TPH2: variants seen among roughly 807,000 people sequenced by gnomAD.
TPH2 encodes the protein tryptophan hydroxylase 2, also known as tryptophan 5-hydroxylase 2.
Under a neutral mutation model 59.1 loss-of-function variants are expected in TPH2, and 27 were observed. That is an observed-to-expected ratio of 0.46 (90% confidence interval 0.34 to 0.63). The LOEUF (loss-of-function observed/expected upper bound fraction) is 0.63, where lower values mean the gene tolerates loss of function less well. Among genes scored for constraint, TPH2 ranks in the 30% least tolerant of loss-of-function variants. The pLI is 0.01. For synonymous variants in TPH2, 220 were observed against 210.5 expected, an observed-to-expected ratio of 1.05 and a Z score of -0.39; for missense variants, 523 against 588.3, an observed-to-expected ratio of 0.89 and a Z score of 1.15.
chr12:71,998,886 A>G (rs1376198418), intron 8 of TPH2, among the ~76,000 whole-genome samples: 2 of 152,222 alleles, frequency 1.3e-5, no homozygotes, highest in African/African-American at 4.8e-5. Flanking sequence ...ACAATGAGAC[A>G]GGCCATATTA....
In TPH2 at chr12:71,942,810, T is replaced by A. The variant is rs146239504; in HGVS notation, c.255+1077T>A. On this transcript the variant is annotated intron_variant, in intron 2 of 10. Transcript: ENST00000333850. ...ACCTCGAAGAAAGGATCAGGCACCA[T>A]AAACAGTGGTAATGGAAATCTGAGG... is the stretch of plus-strand genomic sequence containing the variant. Among the ~76,000 whole-genome samples, 819 of 152,306 alleles carry A rather than the reference T, an allele frequency of 5.4e-3. 10 individuals are homozygous for A. The highest frequency in any genetic ancestry group is 0.018 in the East Asian group (95 of 5,188).
chr12:71,966,437 A>G (rs1871820475), intron 5 of TPH2, among the ~76,000 whole-genome samples: 1 of 152,226 alleles, frequency 6.6e-6, no homozygotes, highest in Non-Finnish European at 1.5e-5. Flanking sequence ...GATGCATTTA[A>G]GCTCTTCTTT....
chr12:71,966,826 C>T (rs906294508), intron 5 of TPH2, among the ~76,000 whole-genome samples: 5 of 152,150 alleles, frequency 3.3e-5, no homozygotes, highest in East Asian at 3.9e-4. Flanking sequence ...TGAATTGCTT[C>T]CCCACACTGA....
intron 4 of TPH2, among the ~76,000 whole-genome samples, chr12:71,946,957 A>T (rs1208639524): frequency 6.6e-6 from 1 of 152,144 alleles, no homozygotes; most frequent in Non-Finnish European, 1.5e-5. Context: ...TTGGGACCAC[A>T]CTTTGAGGAG....
At chr12:72,029,694 G>A (rs11833554) in intron 9 of TPH2, among the ~76,000 whole-genome samples, 3,444 of 152,180 alleles carry the variant, frequency 0.023, 147 homozygotes, top group African/African-American at 0.079. Context: ...ATGAGTTCAC[G>A]CTGAGAGGCC....
chr12:71,939,006 T>C lies in TPH2; in HGVS notation c.20T>C (p.Met7Thr). The change falls in exon 1 of 11, where the codon ATG becomes ACG. Residue 7 changes from methionine to threonine, a missense_variant. Met to Thr is a moderately conservative substitution (Grantham distance 81). Coordinates refer to ENST00000333850, the MANE Select transcript of TPH2 (RefSeq NM_173353.4). MQPAMM[M>T]FSSKYWARRG... The stretch of plus-strand genomic sequence containing the variant: ...GGATCCATGCAGCCAGCAATGATGA[T>C]GTTTTCCAGTAAATACTGGGCACGG... 1 of 1,614,132 alleles carries C rather than the reference T, an allele frequency of 6.2e-7. No individual in the cohort carries two copies. Among genetic ancestry groups the C allele is most frequent in the Non-Finnish European group, 8.5e-7 (1 of 1,180,004 alleles).
At position 71,994,894 on chromosome 12, in the gene TPH2, G is replaced by A. The variant is rs1157135036; in HGVS notation, c.1068+329G>A. On this transcript the variant is annotated intron_variant, in intron 8 of 10. Coordinates refer to ENST00000333850, the MANE Select transcript of TPH2 (RefSeq NM_173353.4). Reference sequence around the variant, plus strand: ...GAAAGCAGCCACAGACAACAAATAAGTAAATAAATGAGTGTGACTGTGTCC... The same window carrying A: ...GAAAGCAGCCACAGACAACAAATAAATAAATAAATGAGTGTGACTGTGTCC... 3.9e-5 allele frequency among the ~76,000 whole-genome samples: 6 copies of A among 152,164 alleles called. No individual in the cohort carries two copies. The East Asian group carries it at 9.6e-4, about 24-fold the overall frequency.
At chr12:71,956,735 G>T (rs188187641) in intron 5 of TPH2, among the ~76,000 whole-genome samples, 1 of 151,794 alleles carries the variant, frequency 6.6e-6, no homozygotes, top group African/African-American at 2.4e-5. Context: ...TCAGCCTCCC[G>T]AGTAGCTGGG....
At chr12:72,015,019 T>C (rs1873203594) in intron 8 of TPH2, among the ~76,000 whole-genome samples, 1 of 152,148 alleles carries the variant, frequency 6.6e-6, no homozygotes, top group Admixed American at 6.5e-5. Context: ...TTCAGTACTA[T>C]TGTCATTTGC....
chr12:71,973,021 A>G (rs1036186256), intron 6 of TPH2, among the ~76,000 whole-genome samples: 1 of 152,206 alleles, frequency 6.6e-6, no homozygotes, highest in South Asian at 2.1e-4. Flanking sequence ...GCTGGGCTAC[A>G]TGAGTATGAA....
intron 7 of TPH2, among the ~76,000 whole-genome samples, chr12:71,990,834 A>T (rs905925115): frequency 2.0e-5 from 3 of 152,228 alleles, no homozygotes; most frequent in African/African-American, 7.2e-5. Context: ...GGAGCTGAGA[A>T]GTGGGCACAA....
At chr12:72,000,502 C>T (rs11834097) in intron 8 of TPH2, among the ~76,000 whole-genome samples, 44,852 of 152,044 alleles carry the variant, frequency 0.29, 6,856 homozygotes, top group East Asian at 0.49. Context: ...ACTTGGCATT[C>T]CTGACAGATC....
chr12:72,017,807 A>G (rs1873300060), intron 8 of TPH2, among the ~76,000 whole-genome samples: 1 of 152,172 alleles, frequency 6.6e-6, no homozygotes, highest in Non-Finnish European at 1.5e-5. Context: ...GTTATCCTCA[A>G]CTTCTGAAGG....
At chr12:72,025,222 A>G (rs1873534748) in intron 9 of TPH2, among the ~76,000 whole-genome samples, 1 of 152,144 alleles carries the variant, frequency 6.6e-6, no homozygotes, top group Non-Finnish European at 1.5e-5. Flanking sequence ...TTTGCAGTAA[A>G]ATATTTTATG....
Position 72,004,133 on chromosome 12 carries a change from T to A in TPH2, c.1068+9568T>A, listed in dbSNP as rs1826078593. ...GCTATTCGGGATGTTTGATGTACAGTATGTGGTGTGGTGCAATGTGGTGAA... is the reference window on the plus strand; with the variant it reads ...GCTATTCGGGATGTTTGATGTACAGAATGTGGTGTGGTGCAATGTGGTGAA... On this transcript the variant is annotated intron_variant, in intron 8 of 10. Transcript: ENST00000333850. 2.0e-5 allele frequency among the ~76,000 whole-genome samples: 3 copies of A among 150,700 alleles called. 1 individual carries two copies. In the South Asian group the frequency reaches 6.7e-4, roughly 34 times the overall value.
At chr12:72,024,574 C>G (rs1044960493) in intron 9 of TPH2, among the ~76,000 whole-genome samples, 1 of 152,206 alleles carries the variant, frequency 6.6e-6, no homozygotes, top group Non-Finnish European at 1.5e-5. Flanking sequence ...CTTGATTTCC[C>G]TGAACAAAAG....
intron 5 of TPH2, among the ~76,000 whole-genome samples, chr12:71,954,922 C>T (rs559491712): frequency 6.6e-6 from 1 of 152,196 alleles, no homozygotes; most frequent in South Asian, 2.1e-4. Context: ...AATTATGCCA[C>T]TCTTGTTTGC....
At chr12:71,945,881 C>T (rs926035918) in intron 4 of TPH2, among the ~76,000 whole-genome samples, 1 of 152,126 alleles carries the variant, frequency 6.6e-6, no homozygotes, top group Non-Finnish European at 1.5e-5. Flanking sequence ...GTTATATTTG[C>T]TAACATAGCC....
Position 71,972,604 on chromosome 12 carries a change from C to G in TPH2, c.694C>G (p.Pro232Ala). 6.2e-7 allele frequency: 1 copy of G among 1,614,106 alleles called. No homozygotes were observed. The highest frequency in any genetic ancestry group is 8.5e-7 in the Non-Finnish European group (1 of 1,180,000). Reference protein sequence around the residue: ...VVFRELSKLYPTHACREYLKN... With the variant: ...VVFRELSKLYATHACREYLKN... ...ATTCCGGGAGCTCTCCAAACTCTAT[C>G]CCACTCATGCTTGCCGAGAGTATTT... Residue 232 changes from proline (P) to alanine (A), a missense_variant, in exon 6 of 11, where the codon CCC (proline) becomes GCC (alanine). Transcript: ENST00000333850.
Sources: allele counts gnomAD v4.1 joint callset (sites outside exome capture counted in the v4.1 genomes callset), GRCh38; gene constraint gnomAD v4.1.1; transcripts MANE v1.5; gene names NCBI Gene and HGNC (gene_info 2026-07-23, HGNC 2026-07-21).